Variants in CPLX2 observed in about 807,000 individuals in gnomAD.
The protein encoded by CPLX2 is complexin-2.
In CPLX2, 5 loss-of-function variants were observed where a neutral mutation model predicts 16.3. The observed-to-expected ratio is 0.31, with a 90% confidence interval of 0.16 to 0.64. CPLX2 has a LOEUF of 0.64. Among genes scored for constraint, CPLX2 ranks in the 30% least tolerant of loss-of-function variants. The pLI, the probability that CPLX2 is intolerant of heterozygous loss-of-function variation, is 0.79. For synonymous variants in CPLX2, 89 were observed against 73.2 expected (o/e 1.22, Z -1.10); for missense variants, 144 against 181.4 (o/e 0.79, Z 1.18).
rs577129433 is a variant in CPLX2, at chr5:175,836,305, G to T, written c.-89+27237G>T. Reference sequence around the variant, plus strand: ...GCGGAGCTTGCAGTGAGCCGAGATCGTGCCACTGCACTCCAGCCTGGGCGA... The same window carrying T: ...GCGGAGCTTGCAGTGAGCCGAGATCTTGCCACTGCACTCCAGCCTGGGCGA... On this transcript the variant is annotated intron_variant, in intron 2 of 4. Coordinates refer to the CPLX2 transcript ENST00000359546. Among the ~76,000 whole-genome samples, 30 of 152,208 alleles carry T rather than the reference G, an allele frequency of 2.0e-4. 1 individual carries two copies. In the South Asian group the frequency reaches 6.0e-3, roughly 30 times the overall value.
At chr5:175,824,868 T>C (rs552232446) in intron 2 of CPLX2, among the ~76,000 whole-genome samples, 9 of 152,278 alleles carry the variant, frequency 5.9e-5, no homozygotes, top group African/African-American at 1.9e-4. Flanking sequence ...CGTGAAACTT[T>C]TTCCACCTCA....
At chr5:175,812,324 A>G (rs1418715228) in intron 2 of CPLX2, among the ~76,000 whole-genome samples, 4 of 152,186 alleles carry the variant, frequency 2.6e-5, no homozygotes, top group Non-Finnish European at 5.9e-5. Flanking sequence ...AGTGAGCTTC[A>G]GGTGAGCAGG....
chr5:175,811,875 A>T (rs899623011), intron 2 of CPLX2, among the ~76,000 whole-genome samples: 64 of 152,174 alleles, frequency 4.2e-4, no homozygotes, highest in African/African-American at 1.4e-3. Context: ...CTCTGCCAGG[A>T]CCTTTTCATA....
At chr5:175,810,189 TCTC>T (rs1229959210) in intron 2 of CPLX2, among the ~76,000 whole-genome samples, 3 of 152,182 alleles carry the variant, frequency 2.0e-5, no homozygotes, top group African/African-American at 7.2e-5. Flanking sequence ...TGTAAGTCAT[TCTC>T]CTCCATCCAG....
chr5:175,873,646 G>C (rs1017844127), intron 1 of CPLX2, among the ~76,000 whole-genome samples: 2 of 152,190 alleles, frequency 1.3e-5, no homozygotes, highest in Non-Finnish European at 1.5e-5. Context: ...TGGAGGGAGT[G>C]CTGTTTGAGA....
At chr5:175,876,914 C>T (rs563733229) in intron 1 of CPLX2, among the ~76,000 whole-genome samples, 4 of 152,230 alleles carry the variant, frequency 2.6e-5, no homozygotes, top group African/African-American at 7.2e-5. Context: ...ACTCAGAATT[C>T]GGGGTTAGGA....
At position 175,880,105 on chromosome 5, in the gene CPLX2, C is replaced by G. The variant is rs765609656; in HGVS notation, c.*60C>G. The G allele has an allele frequency of 3.3e-6, 5 of 1,534,598 alleles. No individual in the cohort carries two copies. The highest frequency in any genetic ancestry group is 1.4e-5 in the African/African-American group (1 of 72,854). On this transcript the variant is annotated 3_prime_UTR_variant, in exon 4 of 4. Transcript: ENST00000393745. ...CTACTTCTTTTTGGTTCTTTCTTTT[C>G]TTTTTATTAGGTTAAGTCTCAATTC...
At chr5:175,814,038 G>C (rs1276714578) in intron 2 of CPLX2, among the ~76,000 whole-genome samples, 2 of 152,246 alleles carry the variant, frequency 1.3e-5, no homozygotes, top group Non-Finnish European at 2.9e-5. Flanking sequence ...AAATGAACCT[G>C]TTACTCTTGC....
intron 2 of CPLX2, among the ~76,000 whole-genome samples, chr5:175,857,809 C>T (rs955129694): frequency 6.6e-6 from 1 of 152,206 alleles, no homozygotes; most frequent in East Asian, 1.9e-4. Context: ...TAGGCAGGGC[C>T]CTCCTCTGCC....
Position 175,845,274 on chromosome 5 carries a change from T to C in CPLX2, c.-88-33378T>C, listed in dbSNP as rs1759021007. Reference sequence around the variant, plus strand: ...TTACAACCCTACAAGGATCCACTATTCTTGGACTAAAACCCACAGCCCACT... The same window carrying C: ...TTACAACCCTACAAGGATCCACTATCCTTGGACTAAAACCCACAGCCCACT... On this transcript the variant is annotated intron_variant, in intron 2 of 4. Transcript: ENST00000359546. The surrounding 1 kb of genome is among the most constrained non-coding windows in gnomAD (Gnocchi z 4.0). Among the ~76,000 whole-genome samples the C allele has an allele frequency of 6.6e-6, 1 of 152,186 alleles. No homozygotes were observed. Among genetic ancestry groups the C allele is most frequent in the Admixed American group, 6.5e-5 (1 of 15,280 alleles).
chr5:175,800,713 A>G (rs1431315875), intron 1 of CPLX2, among the ~76,000 whole-genome samples: 1 of 152,202 alleles, frequency 6.6e-6, no homozygotes, highest in African/African-American at 2.4e-5. Context: ...TACTCATTGA[A>G]TGGCTATTCT....
intron 2 of CPLX2, among the ~76,000 whole-genome samples, chr5:175,861,320 CAT>C (rs1398666986): frequency 6.6e-6 from 1 of 152,166 alleles, no homozygotes; most frequent in African/African-American, 2.4e-5. Context: ...GACAACCAAA[CAT>C]AGGGTAAAAA....
intron 2 of CPLX2, among the ~76,000 whole-genome samples, chr5:175,827,133 T>G (rs557058451): frequency 6.6e-6 from 1 of 152,162 alleles, no homozygotes; most frequent in Non-Finnish European, 1.5e-5. Context: ...CTGAGTCTCA[T>G]TGGCCCCTTT....
chr5:175,804,751 C>T (rs1758165521), intron 1 of CPLX2, among the ~76,000 whole-genome samples: 1 of 152,174 alleles, frequency 6.6e-6, no homozygotes, highest in South Asian at 2.1e-4. Flanking sequence ...ACGTTTAAGT[C>T]TGAAAGCCTG....
upstream of CPLX2, among the ~76,000 whole-genome samples, chr5:175,867,323 C>T (rs951977850): frequency 6.6e-6 from 1 of 152,154 alleles, no homozygotes; most frequent in Non-Finnish European, 1.5e-5. Context: ...CATTGTGGCA[C>T]ACTCATATCT....
chr5:175,803,498 G>C (rs1758138669), intron 1 of CPLX2, among the ~76,000 whole-genome samples: 1 of 152,232 alleles, frequency 6.6e-6, no homozygotes, highest in Admixed American at 6.5e-5. Flanking sequence ...ATGAGAAGCT[G>C]CCTATGGGAC....
At position 175,809,711 on chromosome 5, in the gene CPLX2, G is replaced by A. The variant is rs563113986; in HGVS notation, c.-89+643G>A. 5.9e-5 allele frequency among the ~76,000 whole-genome samples: 9 copies of A among 152,138 alleles called. No individual in the cohort carries two copies. The highest frequency in any genetic ancestry group is 2.1e-4 in the South Asian group (1 of 4,808). On this transcript the variant is annotated intron_variant, in intron 2 of 4. Coordinates refer to the CPLX2 transcript ENST00000359546. The surrounding 1 kb of genome is among the most constrained non-coding windows in gnomAD (Gnocchi z 4.4). Reference sequence around the variant, plus strand: ...CTCTTCCAGGTGGCCGGCCAAGCTCGGATCACACCCGGCATCCCTCATCCA... The same window carrying A: ...CTCTTCCAGGTGGCCGGCCAAGCTCAGATCACACCCGGCATCCCTCATCCA...
At chr5:175,817,044 G>A (rs1356323553) in intron 2 of CPLX2, among the ~76,000 whole-genome samples, 4 of 152,342 alleles carry the variant, frequency 2.6e-5, no homozygotes, top group East Asian at 3.9e-4. Context: ...CAGTGCACTC[G>A]GGGATACCGA....
intron 2 of CPLX2, among the ~76,000 whole-genome samples, chr5:175,851,862 C>A (rs968998606): frequency 1.3e-5 from 2 of 152,194 alleles, no homozygotes; most frequent in Non-Finnish European, 2.9e-5. Flanking sequence ...ATCCGTGGGC[C>A]GCTCAAGAAG....
Sources: allele counts gnomAD v4.1 joint callset (sites outside exome capture counted in the v4.1 genomes callset), GRCh38; gene constraint gnomAD v4.1.1; non-coding constraint Gnocchi (gnomAD v3.1); transcripts MANE v1.5; gene names NCBI Gene and HGNC (gene_info 2026-07-23, HGNC 2026-07-21).